SHANK2: variants seen among roughly 807,000 people sequenced by gnomAD.
SHANK2 encodes the protein SH3 and multiple ankyrin repeat domains protein 2.
SHANK2 carries 43 observed loss-of-function variants against 133.7 expected under a neutral mutation model. That is an observed-to-expected ratio of 0.32 (90% CI 0.25 to 0.41). SHANK2 has a LOEUF of 0.41. Among genes scored for constraint, SHANK2 ranks in the 10% least tolerant of loss-of-function variants. SHANK2 has a pLI of 1.00. For synonymous variants in SHANK2, 1,017 were observed against 952.8 expected (o/e 1.07, Z -1.24); for missense variants, 1,994 against 2,235.8 (o/e 0.89, Z 2.18).
intron 17 of SHANK2, among the ~76,000 whole-genome samples, 191 bp downstream of exon 17, chr11:70,659,637 C>A (rs2061455119): frequency 6.6e-6 from 1 of 152,178 alleles, no homozygotes; most frequent in African/African-American, 2.4e-5. Context: ...CCAAGGCCTC[C>A]AAGACAAGCC....
At chr11:70,546,097 A>ATTTTTTTTTTTTTTTTT (rs57144719) in intron 17 of SHANK2, among the ~76,000 whole-genome samples, 1 of 137,514 alleles carries the variant, frequency 7.3e-6, no homozygotes, top group Non-Finnish European at 1.5e-5. Context: ...TATTTATTTA[A>ATTTTTTTTTTTTTTTTT]TTTTTTTTTT....
intron 15 of SHANK2, among the ~76,000 whole-genome samples, chr11:70,697,910 A>T (rs1328361803): frequency 6.6e-6 from 1 of 152,024 alleles, no homozygotes; most frequent in Non-Finnish European, 1.5e-5. Context: ...TACCTCACAC[A>T]CTGGCCCTTG....
intron 14 of SHANK2, among the ~76,000 whole-genome samples, chr11:70,730,262 G>A (rs944569600): frequency 7.2e-5 from 11 of 152,072 alleles, no homozygotes; most frequent in African/African-American, 2.4e-4. Flanking sequence ...TTGGTTCAAC[G>A]AACACCTAGA....
chr11:71,060,716 C>T (rs1478419223), intron 9 of SHANK2, among the ~76,000 whole-genome samples: 1 of 152,172 alleles, frequency 6.6e-6, no homozygotes, highest in Middle Eastern at 3.2e-3. Context: ...GTGTGAGGCT[C>T]GAACAACACT....
chr11:70,850,998 T>A (rs1411815630), intron 11 of SHANK2, among the ~76,000 whole-genome samples: 1 of 152,164 alleles, frequency 6.6e-6, no homozygotes, highest in Non-Finnish European at 1.5e-5. Context: ...ATTTGGAGCA[T>A]CCGTACCCCA....
chr11:71,104,148 G>A lies in SHANK2; in HGVS notation c.592+5793C>T, dbSNP rs368999743. ...GAAAATGGCCTAATAGCACCACAAC[G>A]CTCACCTAACGCTCACATTTTCCCG... On this transcript the variant is annotated intron_variant, in intron 6 of 25. Transcript: ENST00000601538. Among the ~76,000 whole-genome samples, 35 of 152,102 alleles carry A rather than the reference G, an allele frequency of 2.3e-4. No homozygotes were observed. The South Asian group carries it at 6.8e-3, about 30-fold the overall frequency.
At chr11:71,207,407 T>C (rs1271923535) in intron 2 of SHANK2, among the ~76,000 whole-genome samples, 1 of 152,146 alleles carries the variant, frequency 6.6e-6, no homozygotes, top group Non-Finnish European at 1.5e-5. Flanking sequence ...CTTGAACTCC[T>C]GACCTCAGGT....
chr11:70,915,400 T>C (rs954333865), intron 10 of SHANK2, among the ~76,000 whole-genome samples: 2 of 152,182 alleles, frequency 1.3e-5, no homozygotes, highest in African/African-American at 2.4e-5. Context: ...TGTGGACAGA[T>C]AATGAGAGAC....
intron 17 of SHANK2, among the ~76,000 whole-genome samples, chr11:70,549,940 G>T (rs1309301669): frequency 6.6e-6 from 1 of 152,228 alleles, no homozygotes; most frequent in Non-Finnish European, 1.5e-5. Context: ...GCTCTCTCCT[G>T]CTGGGCTCTG....
chr11:71,233,694 G>C (rs1954782208), intron 1 of SHANK2, among the ~76,000 whole-genome samples: 1 of 152,200 alleles, frequency 6.6e-6, no homozygotes, highest in African/African-American at 2.4e-5. Context: ...AACGGCATCT[G>C]TTAAAGGGGG....
rs564038441 is a variant in SHANK2 at position 70,807,709 on chromosome 11, A to G, written c.1494-538T>C. ...GCAGGGTGTGGTGGTGAGCACCTGT[A>G]ATCCGGGCTACTGGAGAGGCTGAGG... On this transcript the variant is annotated intron_variant, in intron 12 of 25. Coordinates refer to ENST00000601538, the MANE Select transcript of SHANK2 (RefSeq NM_012309.5). This position sits in a 1 kb window ranked among gnomAD's most constrained non-coding sequence, Gnocchi z 4.8. Among the ~76,000 whole-genome samples, 8 of 152,254 alleles carry G rather than the reference A, an allele frequency of 5.3e-5. No individual in the cohort carries two copies. The South Asian group carries it at 1.5e-3, about 28-fold the overall frequency.
At chr11:70,623,301 C>G (rs1392327920) in intron 17 of SHANK2, among the ~76,000 whole-genome samples, 1 of 139,264 alleles carries the variant, frequency 7.2e-6, no homozygotes, top group East Asian at 2.0e-4. Context: ...GCCTCTGGGG[C>G]TCTAAGCCCA....
intron 12 of SHANK2, among the ~76,000 whole-genome samples, chr11:70,820,049 T>C (rs990954962): frequency 8.6e-5 from 13 of 152,012 alleles, no homozygotes; most frequent in Non-Finnish European, 1.9e-4. Flanking sequence ...AAGAAGTCAG[T>C]ACACAAGGAA....
chr11:70,595,665 C>A (rs1420900550), intron 17 of SHANK2, among the ~76,000 whole-genome samples: 1 of 152,220 alleles, frequency 6.6e-6, no homozygotes, highest in South Asian at 2.1e-4. Context: ...AAATTCGTGT[C>A]TACCCACAAG....
chr11:71,059,601 G>A (rs1311889784), intron 9 of SHANK2, among the ~76,000 whole-genome samples: 4 of 152,244 alleles, frequency 2.6e-5, no homozygotes, highest in African/African-American at 4.8e-5. Flanking sequence ...CAGGCCAGGA[G>A]CACACTGAGC....
At chr11:70,478,251 C>T (rs2050563370) in intron 25 of SHANK2, among the ~76,000 whole-genome samples, 1 of 151,998 alleles carries the variant, frequency 6.6e-6, no homozygotes, top group South Asian at 2.1e-4. Flanking sequence ...AAGTGATCCT[C>T]CTGCATCAGC....
chr11:70,774,567 G>T (rs922783481), intron 14 of SHANK2, among the ~76,000 whole-genome samples: 1 of 152,094 alleles, frequency 6.6e-6, no homozygotes, highest in Non-Finnish European at 1.5e-5. Context: ...TGATCCGCCC[G>T]CCTTGGCCTC....
chr11:70,674,377 C>T (rs528846263), intron 15 of SHANK2, among the ~76,000 whole-genome samples: 15 of 150,310 alleles, frequency 1.0e-4, no homozygotes, highest in Non-Finnish European at 1.5e-4. Context: ...TTTTTTGAGA[C>T]GGAGTTTTGC....
intron 20 of SHANK2, among the ~76,000 whole-genome samples, chr11:70,501,424 C>T (rs374051959): frequency 2.6e-5 from 4 of 152,242 alleles, no homozygotes; most frequent in Non-Finnish European, 4.4e-5. Flanking sequence ...TGGACTGGAC[C>T]GTGGGCCTTG....
Sources: allele counts gnomAD v4.1 joint callset (sites outside exome capture counted in the v4.1 genomes callset), GRCh38; gene constraint gnomAD v4.1.1; non-coding constraint Gnocchi (gnomAD v3.1); transcripts MANE v1.5; gene names NCBI Gene and HGNC (gene_info 2026-07-23, HGNC 2026-07-21).